Variants in UPF1 observed in about 807,000 individuals in gnomAD.
UPF1 encodes the protein UPF1 RNA helicase and ATPase, also known as regulator of nonsense transcripts 1.
In UPF1, 9 loss-of-function variants were observed where a neutral mutation model predicts 129.2. The observed-to-expected ratio is 0.07, with a 90% confidence interval of 0.04 to 0.12. UPF1 has a LOEUF of 0.12. Ranked by LOEUF, UPF1 falls within the 10% of genes least tolerant of loss-of-function variation. The pLI is 1.00. For synonymous variants in UPF1, 649 were observed against 644.9 expected, an observed-to-expected ratio of 1.01 and a Z score of -0.10; for missense variants, 788 against 1,525.3, an observed-to-expected ratio of 0.52 and a Z score of 8.05.
chr19:18,849,753 C>T (rs914460589), intron 3 of UPF1: 2 of 320,724 alleles, frequency 6.2e-6, no homozygotes, highest in Non-Finnish European at 1.2e-5. Context: ...TCTGACCCCA[C>T]AGCAGCCCTG....
In UPF1 at chr19:18,854,642, G is replaced by T; in HGVS notation, c.1198G>T (p.Gly400Cys). 1 of 1,614,124 alleles carries T rather than the reference G, an allele frequency of 6.2e-7. No homozygotes were observed. Among genetic ancestry groups the T allele is most frequent in the Non-Finnish European group, 8.5e-7 (1 of 1,179,996 alleles). ...CGCCATTGAGCTGCGGAGCAGCGTG[G>T]GTGCACCTGTGGAGGTGACTCACAA... ...EIAIELRSSV[G>C]APVEVTHNFQ... Residue 400 changes from glycine to cysteine, a missense_variant, in exon 9 of 24, where the codon GGT becomes TGT. Transcript: ENST00000262803.
chr19:18,855,472 G>A, intron 11 of UPF1: 2 of 605,420 alleles, frequency 3.3e-6, no homozygotes, highest in East Asian at 2.8e-5. Context: ...TGGGGGCAGG[G>A]GGGGCATGGC....
At chr19:18,846,194 C>A in intron 2 of UPF1, 75 bp downstream of exon 2, 1 of 1,583,718 alleles carries the variant, frequency 6.3e-7, no homozygotes, top group Non-Finnish European at 8.6e-7. Context: ...GGACACTCAC[C>A]TCCCAGGTAC....
rs2055662501 is a variant in UPF1, at chr19:18,851,904, T to C, written c.811-231T>C. On this transcript the variant is annotated intron_variant, in intron 5 of 23. Transcript: ENST00000262803. This position sits in a 1 kb window ranked among gnomAD's most constrained non-coding sequence, Gnocchi z 4.2. ...CCCCGCTGGGGTGCGGAGCAGCAGC[T>C]GAGGCCCAGGCATGGGCCAGGCCGG... Among the ~76,000 whole-genome samples the C allele has an allele frequency of 6.6e-6, 1 of 152,250 alleles. No homozygotes were observed. The highest frequency in any genetic ancestry group is 2.4e-5 in the African/African-American group (1 of 41,470).
Position 18,846,039 on chromosome 19 carries a change from C to T in UPF1, c.291C>T (p.Ser97=), listed in dbSNP as rs555966561. 6.2e-7 allele frequency: 1 copy of T among 1,614,150 alleles called. No homozygotes were observed. Among genetic ancestry groups the T allele is most frequent in the African/African-American group, 1.3e-5 (1 of 75,034 alleles). The part of the protein sequence containing the change: ...GAVDDSVAKT[S]QLLAELNFEE... ...TGGACGACAGTGTAGCCAAGACCAG[C>T]CAGTTGTTGGCTGAGTTGAACTTCG... The change falls in exon 2 of 24, where the codon AGC becomes AGT. Residue 97 remains serine (S), a synonymous_variant. Transcript: ENST00000262803.
At chr19:18,846,268 G>A in intron 2 of UPF1, 149 bp downstream of exon 2, 1 of 1,238,416 alleles carries the variant, frequency 8.1e-7, no homozygotes. Context: ...AAATTGCTCA[G>A]GCCATGTGCA....
intron 19 of UPF1, among the ~76,000 whole-genome samples, 171 bp downstream of exon 19, chr19:18,863,783 G>A (rs2055808798): frequency 6.6e-6 from 1 of 151,006 alleles, no homozygotes; most frequent in African/African-American, 2.4e-5. Flanking sequence ...CTCCCGAGCC[G>A]TGTGTGGCAT....
At chr19:18,845,839 T>C in intron 1 of UPF1, 141 bp from the exon 2 acceptor site, 1 of 1,302,756 alleles carries the variant, frequency 7.7e-7, no homozygotes, top group Non-Finnish European at 1.0e-6. Context: ...TAGAGAAGAG[T>C]GAAATCCAGT....
At chr19:18,845,755 G>T (rs1601103715) in intron 1 of UPF1, among the ~76,000 whole-genome samples, 1 of 152,186 alleles carries the variant, frequency 6.6e-6, no homozygotes, top group East Asian at 1.9e-4. Flanking sequence ...CTAGGCGGGG[G>T]TTAGACCAGC....
chr19:18,843,518 GT>G lies in UPF1; in HGVS notation c.232-2444del, dbSNP rs35934501. Among the ~76,000 whole-genome samples the G allele has an allele frequency of 2.6e-3, 318 of 124,012 alleles. 1 individual carries two copies. The highest frequency in any genetic ancestry group is 7.6e-3 in the African/African-American group (247 of 32,562). The allele number at this position is 124,012 out of a possible 152,430, so 81.4% of individuals were successfully genotyped here. On this transcript the variant is annotated intron_variant, in intron 1 of 23. Coordinates refer to ENST00000262803, the MANE Select transcript of UPF1 (RefSeq NM_002911.4). The stretch of plus-strand genomic sequence containing the variant: ...CTGTGGGAATGAAGTGACTTTCTTT[GT>G]TTTTTTTTTTTTTTTTTGAGACAGA...
chr19:18,842,656 C>T (rs1459221683), intron 1 of UPF1, among the ~76,000 whole-genome samples: 1 of 152,022 alleles, frequency 6.6e-6, no homozygotes, highest in African/African-American at 2.4e-5. Flanking sequence ...GTGTGGTGAA[C>T]TTCCTATTCC....
rs911520169 is a variant in UPF1 at position 18,850,260 on chromosome 19, G to A, written c.629+18G>A. 5.1e-6 allele frequency: 8 copies of A among 1,582,956 alleles called. No individual in the cohort carries two copies. Among genetic ancestry groups the A allele is most frequent in the Admixed American group, 1.8e-5 (1 of 56,508 alleles). On this transcript the variant is annotated intron_variant, in intron 4 of 23. Transcript: ENST00000262803. The surrounding 1 kb of genome is among the most constrained non-coding windows in gnomAD (Gnocchi z 7.1). The stretch of plus-strand genomic sequence containing the variant: ...CTGTGCAGGTGAGTGGTCCCCAGAT[G>A]TCTCCTGGGGGTGACCTTTAAGCTC...
chr19:18,864,124 C>T, intron 19 of UPF1, 46 bp from the exon 20 acceptor site: 1 of 1,574,848 alleles, frequency 6.3e-7, no homozygotes, highest in Non-Finnish European at 8.7e-7. Context: ...GGAAGTTGTT[C>T]CTTCTGTTGA....
Position 18,854,461 on chromosome 19 carries a change from G to A in UPF1, c.1157-140G>A, listed in dbSNP as rs1189321693. ...GTCTCTGGTCTGGTGTTGGCTGCACGTTTTTAGCGTTTGGTGCAGAGCCAG... is the reference window on the plus strand; with the variant it reads ...GTCTCTGGTCTGGTGTTGGCTGCACATTTTTAGCGTTTGGTGCAGAGCCAG... On this transcript the variant is annotated intron_variant, in intron 8 of 23. Transcript: ENST00000262803. 3 of 678,470 alleles carry A rather than the reference G, an allele frequency of 4.4e-6. No individual in the cohort carries two copies. The East Asian group carries it at 7.6e-5, about 17-fold the overall frequency. 42.0% of individuals were successfully genotyped at this position (678,470 alleles called of 1,614,324 possible). A position where few individuals can be genotyped will look rare whatever the true frequency, so the allele number is the denominator to read the frequency against.
At chr19:18,841,216 GT>G (rs1294311483) in intron 1 of UPF1, among the ~76,000 whole-genome samples, 4 of 152,268 alleles carry the variant, frequency 2.6e-5, no homozygotes, top group Non-Finnish European at 5.9e-5. Context: ...TGATGAGACA[GT>G]TGTGAAGGTT....
At chr19:18,834,916 A>C (rs966229183) in intron 1 of UPF1, among the ~76,000 whole-genome samples, 1 of 152,148 alleles carries the variant, frequency 6.6e-6, no homozygotes, top group Non-Finnish European at 1.5e-5. Flanking sequence ...AGTGCCCTGC[A>C]GTCACTTTTG....
intron 2 of UPF1, 79 bp downstream of exon 2, chr19:18,846,198 C>G: frequency 6.3e-7 from 1 of 1,582,678 alleles, no homozygotes; most frequent in East Asian, 2.3e-5. Context: ...ACTCACCTCC[C>G]AGGTACAGGG....
Position 18,857,575 on chromosome 19 carries a change from C to T in UPF1, c.2182+42C>T, listed in dbSNP as rs376873776. 13 of 1,536,350 alleles carry T rather than the reference C, an allele frequency of 8.5e-6. No homozygotes were observed. In the African/African-American group the frequency reaches 1.5e-4, roughly 18 times the overall value. Reference sequence around the variant, plus strand: ...CAGGGCAGGGGCTTCTACAGAGAAGCGGCATCAAGGGAATGTGGACTGGGG... The same window carrying T: ...CAGGGCAGGGGCTTCTACAGAGAAGTGGCATCAAGGGAATGTGGACTGGGG... On this transcript the variant is annotated intron_variant, in intron 15 of 23. Coordinates refer to ENST00000262803, the MANE Select transcript of UPF1 (RefSeq NM_002911.4).
At chr19:18,861,927 T>G in intron 17 of UPF1, 83 bp from the exon 18 acceptor site, 1 of 1,534,522 alleles carries the variant, frequency 6.5e-7, no homozygotes, top group Non-Finnish European at 8.8e-7. Flanking sequence ...GATTTGAGGG[T>G]GGGTCTTGGT....
Sources: allele counts gnomAD v4.1 joint callset (sites outside exome capture counted in the v4.1 genomes callset), GRCh38; gene constraint gnomAD v4.1.1; non-coding constraint Gnocchi (gnomAD v3.1); transcripts MANE v1.5; gene names NCBI Gene and HGNC (gene_info 2026-07-23, HGNC 2026-07-21).